Variants in DOCK5 observed in about 807,000 individuals in gnomAD.
DOCK5 encodes the protein dedicator of cytokinesis 5, also known as dedicator of cytokinesis protein 5.
A neutral mutation model predicts 251.8 loss-of-function variants in DOCK5; 142 were observed. That is an observed-to-expected ratio of 0.56 (90% CI 0.49 to 0.65). The LOEUF (loss-of-function observed/expected upper bound fraction) is 0.65. DOCK5 is among the 30% of genes least tolerant of loss of function. The pLI, the probability that DOCK5 is intolerant of heterozygous loss-of-function variation, is 0.00. For synonymous variants in DOCK5, 842 were observed against 835.5 expected (o/e 1.01, Z -0.13); for missense variants, 2,111 against 2,312.3 (o/e 0.91, Z 1.79).
chr8:25,184,721 C>CCGCGGGCGG lies in DOCK5; in HGVS notation c.-180_-172dup, dbSNP rs1293067975. ...CGCTGCAGCCCGGCCCAGCAGGTGA[C>CCGCGGGCGG]CGCGGGCGGCGCGGGCACGGGCACG... On this transcript the variant is annotated 5_prime_UTR_variant, in exon 1 of 52. Coordinates refer to ENST00000276440, the MANE Select transcript of DOCK5 (RefSeq NM_024940.8). The CCGCGGGCGG allele has an allele frequency of 3.6e-6, 1 of 278,474 alleles. No homozygotes were observed. Among genetic ancestry groups the CCGCGGGCGG allele is most frequent in the Non-Finnish European group, 6.0e-6 (1 of 166,324 alleles). 17.3% of individuals were successfully genotyped at this position (278,474 alleles called of 1,614,324 possible). A position where few individuals can be genotyped will look rare whatever the true frequency, so the allele number is the denominator to read the frequency against.
intron 2 of DOCK5, among the ~76,000 whole-genome samples, chr8:25,260,043 G>A (rs1325614345): frequency 6.6e-6 from 1 of 152,164 alleles, no homozygotes; most frequent in Non-Finnish European, 1.5e-5. Flanking sequence ...CACAGGGAGA[G>A]GTGCAGCCAC....
intron 25 of DOCK5, among the ~76,000 whole-genome samples, chr8:25,344,086 G>T (rs142030959): frequency 0.033 from 5,093 of 152,260 alleles, 114 homozygotes; most frequent in South Asian, 0.077. Context: ...GGGATTATAG[G>T]CATGAGCCAC....
Position 25,226,465 on chromosome 8 carries a change from T to C in DOCK5, c.44-17209T>C, listed in dbSNP as rs534561146. Among the ~76,000 whole-genome samples the C allele has an allele frequency of 4.3e-3, 651 of 152,062 alleles. 4 individuals are homozygous for C. The highest frequency in any genetic ancestry group is 0.015 in the African/African-American group (627 of 41,508). ...TTTTATTAGAGACGGGGTTTCGCCA[T>C]GTTGGCCAGGCTGGTCTCAAACTCC... On this transcript the variant is annotated intron_variant, in intron 1 of 51. Transcript: ENST00000276440.
At chr8:25,380,532 A>G in intron 39 of DOCK5, 138 bp downstream of exon 39, 1 of 702,784 alleles carries the variant, frequency 1.4e-6, no homozygotes. Context: ...TGAAATGAGA[A>G]TGAAAAAAGA....
At chr8:25,217,187 G>GAT (rs144548125) in intron 1 of DOCK5, among the ~76,000 whole-genome samples, 104 of 146,588 alleles carry the variant, frequency 7.1e-4, no homozygotes, top group Middle Eastern at 3.6e-3. Flanking sequence ...GAGAGAGAGA[G>GAT]ATATATATAT....
At position 25,336,654 on chromosome 8, in the gene DOCK5, A is replaced by G. The variant is rs543620817; in HGVS notation, c.2327+281A>G. The stretch of plus-strand genomic sequence containing the variant: ...TGTACCTAATACAGCAGATGACTTC[A>G]TGACAATATTGAGTGTGCAAATCTA... On this transcript the variant is annotated intron_variant, in intron 22 of 51. Transcript: ENST00000276440. Among the ~76,000 whole-genome samples the G allele has an allele frequency of 3.5e-4, 53 of 152,336 alleles. No individual in the cohort carries two copies. The South Asian group carries it at 0.011, about 31-fold the overall frequency.
At chr8:25,255,898 ACT>A (rs1350994410) in intron 2 of DOCK5, among the ~76,000 whole-genome samples, 1 of 152,148 alleles carries the variant, frequency 6.6e-6, no homozygotes, top group Non-Finnish European at 1.5e-5. Context: ...ATAAATATTA[ACT>A]CTGTGCTTGA....
chr8:25,380,250 T>C (rs1801041396), intron 38 of DOCK5, 55 bp from the exon 39 acceptor site: 2 of 1,524,658 alleles, frequency 1.3e-6, no homozygotes, highest in Middle Eastern at 1.7e-4. Flanking sequence ...CTTTTGCCAC[T>C]GAATCAATGA....
intron 34 of DOCK5, among the ~76,000 whole-genome samples, chr8:25,372,069 G>T (rs923001224): frequency 4.6e-5 from 7 of 152,216 alleles, no homozygotes; most frequent in African/African-American, 1.7e-4. Context: ...TAGGTTCCCA[G>T]GTTCCTCTAG....
chr8:25,263,466 T>A (rs960845289), intron 2 of DOCK5, among the ~76,000 whole-genome samples: 2 of 151,894 alleles, frequency 1.3e-5, no homozygotes, highest in South Asian at 2.1e-4. Context: ...CATTCGAGAT[T>A]TTTCCCTTCT....
intron 5 of DOCK5, among the ~76,000 whole-genome samples, chr8:25,286,213 C>T (rs532397196): frequency 4.6e-5 from 7 of 152,126 alleles, no homozygotes; most frequent in Admixed American, 2.0e-4. Flanking sequence ...GTTACAGCTA[C>T]GTGGAAAAGG....
intron 25 of DOCK5, among the ~76,000 whole-genome samples, chr8:25,344,232 G>A (rs1051160493): frequency 1.3e-5 from 2 of 152,214 alleles, no homozygotes; most frequent in Non-Finnish European, 2.9e-5. Flanking sequence ...TGTAAGTAGA[G>A]TCTAGCAAAT....
chr8:25,383,400 A>T (rs1386033852), intron 40 of DOCK5, among the ~76,000 whole-genome samples: 1 of 152,220 alleles, frequency 6.6e-6, no homozygotes, highest in African/African-American at 2.4e-5. Flanking sequence ...GAGACAGTTT[A>T]TTCATTCAGT....
intron 6 of DOCK5, 133 bp downstream of exon 6, chr8:25,292,305 T>A: frequency 9.3e-7 from 1 of 1,076,182 alleles, no homozygotes. Context: ...TCATTTTGTC[T>A]TTGAAGACAT....
intron 44 of DOCK5, among the ~76,000 whole-genome samples, chr8:25,394,946 G>C (rs959794132): frequency 1.3e-5 from 2 of 151,978 alleles, no homozygotes; most frequent in African/African-American, 4.8e-5. Context: ...GGAAGGTGGG[G>C]GGTGTTGGGG....
chr8:25,314,708 A>ATC (rs397722729), intron 13 of DOCK5, among the ~76,000 whole-genome samples: 1 of 132,754 alleles, frequency 7.5e-6, no homozygotes, highest in Non-Finnish European at 1.5e-5. Flanking sequence ...CCATCCATCC[A>ATC]CGTACCCAAC....
At chr8:25,346,324 A>T (rs930041064) in intron 26 of DOCK5, among the ~76,000 whole-genome samples, 8 of 152,054 alleles carry the variant, frequency 5.3e-5, no homozygotes, top group African/African-American at 7.2e-5. Flanking sequence ...ATAATAATAA[A>T]AAATAAAGAA....
chr8:25,336,195 T>A, intron 21 of DOCK5, 44 bp from the exon 22 acceptor site: 1 of 1,590,576 alleles, frequency 6.3e-7, no homozygotes, highest in Middle Eastern at 1.7e-4. Flanking sequence ...CCTCAGAGTA[T>A]CCTGTTGCTC....
At chr8:25,289,765 G>A (rs748003424) in intron 5 of DOCK5, among the ~76,000 whole-genome samples, 7 of 151,824 alleles carry the variant, frequency 4.6e-5, no homozygotes, top group Non-Finnish European at 8.8e-5. Flanking sequence ...TCACTTGAAC[G>A]CGGGATGGGG....
Sources: gnomAD v4.1 joint callset for allele counts (sites outside exome capture counted in the v4.1 genomes callset) on GRCh38, gnomAD v4.1.1 for gene constraint, MANE v1.5 for transcripts, NCBI Gene and HGNC (gene_info 2026-07-23, HGNC 2026-07-21) for gene names.